Variants in FAN1 observed in about 807,000 individuals in gnomAD.
The protein encoded by FAN1 is FANCD2 and FANCI associated nuclease 1.
Under a neutral mutation model 104.9 loss-of-function variants are expected in FAN1, and 91 were observed. That is an observed-to-expected ratio of 0.87 (90% confidence interval 0.73 to 1.03). The LOEUF is 1.03. Ranked by LOEUF, FAN1 falls within the 50% of genes least tolerant of loss-of-function variation. FAN1 has a pLI of 0.00. For missense variants in FAN1, 1,263 were observed against 1,239.9 expected (o/e 1.02, Z -0.28); for synonymous variants, 478 against 457.6 (o/e 1.04, Z -0.57).
intron 14 of FAN1, among the ~76,000 whole-genome samples, chr15:30,937,875 T>C (rs2949567): frequency 0.41 from 62,363 of 151,818 alleles, 14,227 homozygotes; most frequent in East Asian, 0.85. Context: ...GATTCATCTT[T>C]AGGTTTTTTT....
rs1248570351 is a variant in FAN1 at position 30,929,902 on chromosome 15, TAA to T, written c.2787+508_2787+509del. ...TATAATATATATCATATATAATATA[TAA>T]AATATATAATATATATCATATATAA... On this transcript the variant is annotated intron_variant, in intron 12 of 14. Coordinates refer to ENST00000362065, the MANE Select transcript of FAN1 (RefSeq NM_014967.5). 1.1e-4 allele frequency among the ~76,000 whole-genome samples: 8 copies of T among 75,700 alleles called. 2 individuals are homozygous for T. In the East Asian group the frequency reaches 4.6e-3, roughly 43 times the overall value. 49.7% of individuals were successfully genotyped at this position (75,700 alleles called of 152,430 possible).
At chr15:30,923,069 C>T (rs981665256) in intron 8 of FAN1, among the ~76,000 whole-genome samples, 2 of 152,212 alleles carry the variant, frequency 1.3e-5, no homozygotes, top group African/African-American at 4.8e-5. Flanking sequence ...GGGACTGTGC[C>T]TCTGGGAGCT....
At chr15:30,917,473 A>G (rs1344788797) in intron 5 of FAN1, among the ~76,000 whole-genome samples, 1 of 152,210 alleles carries the variant, frequency 6.6e-6, no homozygotes, top group African/African-American at 2.4e-5. Context: ...ATTTGGAGGC[A>G]ATTTCTTTAC....
At position 30,925,668 on chromosome 15, in the gene FAN1, T is replaced by C. The variant is rs945070622; in HGVS notation, c.2338-121T>C. The C allele has an allele frequency of 4.5e-6, 5 of 1,112,202 alleles. No individual in the cohort carries two copies. In the African/African-American group the frequency reaches 6.2e-5, roughly 14 times the overall value. 68.9% of individuals were successfully genotyped at this position (1,112,202 alleles called of 1,614,324 possible). A position where few individuals can be genotyped will look rare whatever the true frequency, so the allele number is the denominator to read the frequency against. ...TTCTGCGTGTGTGAGCCCCACGCTG[T>C]GTGCTCTACTAAGTGACTGACTTTG... On this transcript the variant is annotated intron_variant, in intron 9 of 14. Coordinates refer to ENST00000362065, the MANE Select transcript of FAN1 (RefSeq NM_014967.5).
chr15:30,942,835 AAG>A lies in FAN1; in HGVS notation c.*1276_*1277del, dbSNP rs781017410. On this transcript the variant is annotated 3_prime_UTR_variant, in exon 15 of 15. Transcript: ENST00000362065. ...ACTTTTAACGCTCTCTGTTCTGAAAAAGAGGTGTTTGGTTACGTGTGAGCCAA... is the reference window on the plus strand; with the variant it reads ...ACTTTTAACGCTCTCTGTTCTGAAAAAGGTGTTTGGTTACGTGTGAGCCAA... The A allele has an allele frequency of 1.4e-6, 2 of 1,472,542 alleles. No individual in the cohort carries two copies. Among genetic ancestry groups the A allele is most frequent in the Non-Finnish European group, 1.8e-6 (2 of 1,092,182 alleles). 91.2% of individuals were successfully genotyped at this position (1,472,542 alleles called of 1,614,324 possible). A position where few individuals can be genotyped will look rare whatever the true frequency, so the allele number is the denominator to read the frequency against.
chr15:30,941,463 C>T (rs2063049758), intron 14 of FAN1, 103 bp from the exon 15 acceptor site: 2 of 1,595,582 alleles, frequency 1.3e-6, no homozygotes, highest in South Asian at 2.3e-5. Context: ...TCAGAAAACA[C>T]CCTATTTTAG....
At chr15:30,926,570 G>A (rs991227285) in intron 10 of FAN1, 74 of 964,828 alleles carry the variant, frequency 7.7e-5, no homozygotes, top group Non-Finnish European at 9.0e-5. Flanking sequence ...TCTGATGAGT[G>A]TTGAGATTCA....
chr15:30,942,829 C>G lies in FAN1; in HGVS notation c.*1267C>G, dbSNP rs2063098459. On this transcript the variant is annotated 3_prime_UTR_variant, in exon 15 of 15. Transcript: ENST00000362065. ...GCCTTTACTTTTAACGCTCTCTGTT[C>G]TGAAAAAGAGGTGTTTGGTTACGTG... 8.9e-6 allele frequency: 13 copies of G among 1,457,964 alleles called. No individual in the cohort carries two copies. The highest frequency in any genetic ancestry group is 1.2e-5 in the Non-Finnish European group (13 of 1,082,426). 90.3% of individuals were successfully genotyped at this position (1,457,964 alleles called of 1,614,324 possible). A position where few individuals can be genotyped will look rare whatever the true frequency, so the allele number is the denominator to read the frequency against.
At position 30,905,695 on chromosome 15, in the gene FAN1, C is replaced by T. The variant is rs2061961509; in HGVS notation, c.1032C>T (p.Asp344=). ...TCCAAGAGGCTCCTCTGCAGGATGA[C>T]AGTTGCTTAAACAATGATATCCCTC... is the stretch of plus-strand genomic sequence containing the variant. The part of the protein sequence containing the change: ...SNIQEAPLQD[D]SCLNNDIPHS... The change falls in exon 2 of 15, where the codon GAC becomes GAT. Residue 344 remains aspartate (D), a synonymous_variant. Transcript: ENST00000362065. 6.2e-7 allele frequency: 1 copy of T among 1,614,052 alleles called. No homozygotes were observed. The highest frequency in any genetic ancestry group is 1.3e-5 in the African/African-American group (1 of 74,936).
intron 6 of FAN1, among the ~76,000 whole-genome samples, 162 bp from the exon 7 acceptor site, chr15:30,920,383 G>A (rs1325560473): frequency 6.6e-6 from 1 of 152,206 alleles, no homozygotes; most frequent in East Asian, 1.9e-4. Flanking sequence ...GTAGCTGGCT[G>A]TGAGAATGTA....
At chr15:30,926,482 T>C (rs1203322828) in intron 10 of FAN1, 5 of 269,742 alleles carry the variant, frequency 1.9e-5, no homozygotes, top group Non-Finnish European at 2.8e-5. Flanking sequence ...GATTTCAGTA[T>C]TCCCCGAGTG....
At chr15:30,928,408 G>A (rs763256859) in intron 10 of FAN1, 145 bp from the exon 11 acceptor site, 130 of 1,479,618 alleles carry the variant, frequency 8.8e-5, no homozygotes, top group Non-Finnish European at 1.1e-4. Context: ...CGTGAAAACA[G>A]CATTTGCTTC....
At chr15:30,926,646 G>T (rs2062470626) in intron 10 of FAN1, 1 of 985,222 alleles carries the variant, frequency 1.0e-6, no homozygotes. Context: ...GCAAATGCCA[G>T]TGAAGACAGA....
chr15:30,929,212 CT>C lies in FAN1; in HGVS notation c.2603del (p.Leu868ArgfsTer22). On this transcript the variant is annotated frameshift_variant, in exon 12 of 15. Coordinates refer to ENST00000362065, the MANE Select transcript of FAN1 (RefSeq NM_014967.5). LOFTEE classifies it high-confidence loss of function. ...TTTCCCTGTGACACAGGCATTCCCC[CT>C]GGACTTGTGCACAGACAGCTTCTTC... ...VFRNACQAFP[L>X]DLCTDSFFTS... The C allele has an allele frequency of 6.2e-7, 1 of 1,612,076 alleles. No individual in the cohort carries two copies. Among genetic ancestry groups the C allele is most frequent in the Non-Finnish European group, 8.5e-7 (1 of 1,179,322 alleles).
chr15:30,920,924 C>T (rs890305889), intron 7 of FAN1, among the ~76,000 whole-genome samples: 1 of 152,206 alleles, frequency 6.6e-6, no homozygotes, highest in African/African-American at 2.4e-5. Flanking sequence ...GCTGGGACTA[C>T]AGGCGTGCGC....
At chr15:30,933,768 T>G (rs111967399) in intron 13 of FAN1, among the ~76,000 whole-genome samples, 1,644 of 96,196 alleles carry the variant, frequency 0.017, 22 homozygotes, top group African/African-American at 0.085. Flanking sequence ...TTTTTTTGTT[T>G]TTGTTTTTTG....
chr15:30,905,391 AG>A lies in FAN1; in HGVS notation c.730del (p.Ala244LeufsTer32). The A allele has an allele frequency of 6.2e-7, 1 of 1,614,152 alleles. No homozygotes were observed. On this transcript the variant is annotated frameshift_variant, in exon 2 of 15. Transcript: ENST00000362065. LOFTEE classifies it high-confidence loss of function. ...GSKIMEAESQ[K>X]ATRECEKSAL... Reference sequence around the variant, plus strand: ...AAAATAATGGAAGCCGAAAGCCAAAAGGCTACCCGGGAATGTGAGAAATCAG... The same window carrying A: ...AAAATAATGGAAGCCGAAAGCCAAAAGCTACCCGGGAATGTGAGAAATCAG...
chr15:30,929,845 A>T (rs1358732098), intron 12 of FAN1, among the ~76,000 whole-genome samples: 7 of 61,148 alleles, frequency 1.1e-4, no homozygotes, highest in Admixed American at 2.9e-4. Context: ...ATAATATATA[A>T]AATATATATC....
At chr15:30,938,818 C>G (rs1182286984) in intron 14 of FAN1, 1 of 758,592 alleles carries the variant, frequency 1.3e-6, no homozygotes, top group African/African-American at 1.9e-5. Flanking sequence ...TGATCACTAC[C>G]TGGCTTTAGA....
Sources: allele counts gnomAD v4.1 joint callset (sites outside exome capture counted in the v4.1 genomes callset), GRCh38; gene constraint gnomAD v4.1.1; transcripts MANE v1.5; gene names NCBI Gene and HGNC (gene_info 2026-07-23, HGNC 2026-07-21).